The following CDH18 variants were observed in gnomAD, a reference collection of about 807,000 sequenced individuals.
The protein encoded by CDH18 is cadherin-18.
A neutral mutation model predicts 67.9 loss-of-function variants in CDH18; 31 were observed. That is an observed-to-expected ratio of 0.46 (90% CI 0.34 to 0.62). The LOEUF (loss-of-function observed/expected upper bound fraction) is 0.62, where lower values mean the gene tolerates loss of function less well. Ranked by LOEUF, CDH18 falls within the 20% of genes least tolerant of loss-of-function variation. CDH18 has a pLI of 0.01. For missense variants in CDH18, 890 were observed against 975.5 expected, an observed-to-expected ratio of 0.91 and a Z score of 1.17; for synonymous variants, 362 against 347.2, an observed-to-expected ratio of 1.04 and a Z score of -0.48.
chr5:19,635,689 C>G (rs1047940896), intron 5 of CDH18, among the ~76,000 whole-genome samples: 9 of 152,178 alleles, frequency 5.9e-5, no homozygotes, highest in Non-Finnish European at 1.3e-4. Context: ...TATTTCTCTA[C>G]ATATCATCTA....
intron 3 of CDH18, among the ~76,000 whole-genome samples, chr5:19,771,015 A>C (rs2149738717): frequency 6.6e-6 from 1 of 152,340 alleles, no homozygotes; most frequent in Admixed American, 6.5e-5. Flanking sequence ...GGCTTGAAAT[A>C]GATCATGAGA....
intron 2 of CDH18, among the ~76,000 whole-genome samples, chr5:19,933,285 T>C (rs575744769): frequency 2.0e-5 from 3 of 151,568 alleles, no homozygotes; most frequent in Non-Finnish European, 3.0e-5. Context: ...TTTCCTCTTT[T>C]AAAAATTTAC....
At chr5:20,021,639 C>T (rs540852175) in intron 2 of CDH18, among the ~76,000 whole-genome samples, 3 of 152,216 alleles carry the variant, frequency 2.0e-5, no homozygotes, top group Admixed American at 6.5e-5. Flanking sequence ...GAAAATGCCT[C>T]GAAGGCATTT....
chr5:19,767,099 A>T (rs2173343), intron 3 of CDH18, among the ~76,000 whole-genome samples: 141,150 of 151,814 alleles, frequency 0.93, 66,361 homozygotes, highest in East Asian at 1. Context: ...AATTTAAAAA[A>T]CACAAAAATG....
At chr5:19,680,263 TA>T (rs147009238) in intron 5 of CDH18, among the ~76,000 whole-genome samples, 5,761 of 152,002 alleles carry the variant, frequency 0.038, 365 homozygotes, top group African/African-American at 0.13. Context: ...TTACACCATA[TA>T]AAAAAATCAA....
chr5:19,533,596 T>C (rs1253604534), intron 9 of CDH18, among the ~76,000 whole-genome samples: 5 of 152,172 alleles, frequency 3.3e-5, no homozygotes, highest in Admixed American at 6.6e-5. Context: ...GACAGGGGCA[T>C]GCTTTAGACA....
At chr5:19,800,927 T>G (rs868323950) in intron 3 of CDH18, among the ~76,000 whole-genome samples, 17 of 152,146 alleles carry the variant, frequency 1.1e-4, no homozygotes, top group Non-Finnish European at 4.4e-5. Context: ...GCGACCAGCC[T>G]GGGCAACACG....
chr5:19,880,796 T>A (rs1349301492), intron 2 of CDH18, among the ~76,000 whole-genome samples: 1 of 152,194 alleles, frequency 6.6e-6, no homozygotes, highest in Non-Finnish European at 1.5e-5. Context: ...GAAACACTTG[T>A]ATGCTCATAG....
chr5:20,149,668 C>T (rs73050767), intron 2 of CDH18, among the ~76,000 whole-genome samples: 9,885 of 152,150 alleles, frequency 0.065, 355 homozygotes, highest in East Asian at 0.14. Context: ...CATGCAGACA[C>T]ATTATTTTAT....
chr5:19,769,964 T>C (rs1172333268), intron 3 of CDH18, among the ~76,000 whole-genome samples: 1 of 151,692 alleles, frequency 6.6e-6, no homozygotes, highest in Non-Finnish European at 1.5e-5. Flanking sequence ...ATGTAAACAA[T>C]AAATAAAGAT....
At chr5:20,091,328 A>T (rs955421483) in intron 2 of CDH18, among the ~76,000 whole-genome samples, 1 of 152,036 alleles carries the variant, frequency 6.6e-6, no homozygotes, top group Admixed American at 6.6e-5. Flanking sequence ...CTATAAAAAA[A>T]AAAAGTTAAA....
chr5:19,761,129 A>G (rs1436317288), intron 3 of CDH18, among the ~76,000 whole-genome samples: 2 of 152,060 alleles, frequency 1.3e-5, no homozygotes, highest in Non-Finnish European at 2.9e-5. Flanking sequence ...TGCATCTTTC[A>G]CTGCAGGTCA....
intron 2 of CDH18, among the ~76,000 whole-genome samples, chr5:20,130,486 G>T (rs4458570): frequency 0.85 from 128,680 of 151,100 alleles, 56,183 homozygotes; most frequent in Non-Finnish European, 0.94. Context: ...ATTCAGTCTA[G>T]TGATATAAAT....
At chr5:19,495,882 T>C (rs1047115101) in intron 11 of CDH18, among the ~76,000 whole-genome samples, 1 of 152,110 alleles carries the variant, frequency 6.6e-6, no homozygotes, top group African/African-American at 2.4e-5. Context: ...TATTTACTTA[T>C]ATTAGGAACT....
In CDH18 at chr5:19,593,711, CTTCTTCTTCTT is replaced by C. The variant is rs1561425915; in HGVS notation, c.812-2478_812-2468del. Among the ~76,000 whole-genome samples, 203 of 129,406 alleles carry C rather than the reference CTTCTTCTTCTT, an allele frequency of 1.6e-3. 5 individuals are homozygous for C. Among genetic ancestry groups the C allele is most frequent in the East Asian group, 3.7e-3 (17 of 4,630 alleles). The allele number at this position is 129,406 out of a possible 152,430, so 84.9% of individuals were successfully genotyped here. Reference sequence around the variant, plus strand: ...TCTCTTCCTCTTCCTCCTCCTCCTTCTTCTTCTTCTTCTTCTTCTTCTTCTTCTTCTTCTTC... The same window carrying C: ...TCTCTTCCTCTTCCTCCTCCTCCTTCCTTCTTCTTCTTCTTCTTCTTCTTC... On this transcript the variant is annotated intron_variant, in intron 6 of 12. Transcript: ENST00000382275.
chr5:20,438,445 G>A (rs1293983157), intron 1 of CDH18, among the ~76,000 whole-genome samples: 2 of 151,328 alleles, frequency 1.3e-5, no homozygotes, highest in Non-Finnish European at 3.0e-5. Flanking sequence ...TTCTTTAGCT[G>A]TTAAGCTGAC....
chr5:19,514,280 A>G (rs1745589375), intron 10 of CDH18, among the ~76,000 whole-genome samples: 2 of 152,166 alleles, frequency 1.3e-5, no homozygotes, highest in African/African-American at 4.8e-5. Context: ...AGTCTTTGCT[A>G]TTGTGAATAG....
chr5:20,250,100 A>G (rs950385859), intron 2 of CDH18, among the ~76,000 whole-genome samples: 4 of 152,176 alleles, frequency 2.6e-5, no homozygotes, highest in African/African-American at 9.7e-5. Flanking sequence ...CACTTCAAGA[A>G]TAACTTAAAA....
rs1035305112 is a variant in CDH18, at chr5:19,702,594, C to T, written c.643+18753G>A. ...CAGCCTGGCCAACATAGTAAAACCC[C>T]GTCTCTACTAAAAATACAAAAATTA... On this transcript the variant is annotated intron_variant, in intron 5 of 12. Coordinates refer to ENST00000382275, the MANE Select transcript of CDH18 (RefSeq NM_004934.5). Among the ~76,000 whole-genome samples, 9 of 152,052 alleles carry T rather than the reference C, an allele frequency of 5.9e-5. No homozygotes were observed. The East Asian group carries it at 7.9e-4, about 13-fold the overall frequency.
Sources: gnomAD v4.1 joint callset for allele counts (sites outside exome capture counted in the v4.1 genomes callset) on GRCh38, gnomAD v4.1.1 for gene constraint, MANE v1.5 for transcripts, NCBI Gene and HGNC (gene_info 2026-07-23, HGNC 2026-07-21) for gene names.